The following GAP43 variants were observed in gnomAD, a reference collection of about 807,000 sequenced individuals.
GAP43 encodes the protein growth associated protein 43.
In GAP43, 6 loss-of-function variants were observed where a neutral mutation model predicts 18.6. The observed-to-expected ratio is 0.32, with a 90% CI of 0.18 to 0.64. The LOEUF is 0.64. Ranked by LOEUF, GAP43 falls within the 30% of genes least tolerant of loss-of-function variation. The pLI, the probability that GAP43 is intolerant of heterozygous loss-of-function variation, is 0.78. For missense variants in GAP43, 292 were observed against 295.5 expected (o/e 0.99, Z 0.09); for synonymous variants, 115 against 111.4 (o/e 1.03, Z -0.20).
chr3:115,678,516 G>A (rs1708921603), intron 2 of GAP43, among the ~76,000 whole-genome samples: 2 of 152,264 alleles, frequency 1.3e-5, no homozygotes, highest in South Asian at 4.1e-4. Context: ...AATATTTTAT[G>A]TAGTAAGTTG....
chr3:115,653,844 T>G (rs1160676998), intron 1 of GAP43, among the ~76,000 whole-genome samples: 1 of 152,230 alleles, frequency 6.6e-6, no homozygotes, highest in South Asian at 2.1e-4. Flanking sequence ...CTTGTTCATA[T>G]TTAATGAATT....
At chr3:115,648,499 G>A (rs1022467689) in intron 1 of GAP43, among the ~76,000 whole-genome samples, 1 of 152,160 alleles carries the variant, frequency 6.6e-6, no homozygotes, top group Admixed American at 6.6e-5. Context: ...AGATTTACTG[G>A]AATGGATGGG....
intron 1 of GAP43, among the ~76,000 whole-genome samples, chr3:115,633,604 G>A (rs1480258527): frequency 6.6e-6 from 1 of 152,096 alleles, no homozygotes; most frequent in Non-Finnish European, 1.5e-5. Context: ...AAAGGAAGTA[G>A]TAACCACACA....
intron 2 of GAP43, among the ~76,000 whole-genome samples, chr3:115,679,046 C>T (rs987241302): frequency 6.6e-6 from 1 of 151,932 alleles, no homozygotes; most frequent in African/African-American, 2.4e-5. Context: ...CCTCTGCCTT[C>T]CACTGTATTT....
At chr3:115,666,217 G>A (rs994236770) in intron 1 of GAP43, among the ~76,000 whole-genome samples, 30 of 152,174 alleles carry the variant, frequency 2.0e-4, no homozygotes, top group Middle Eastern at 3.4e-3. Flanking sequence ...GTTTAACTTT[G>A]ACAATGTAAA....
chr3:115,652,508 C>A (rs1708533529), intron 1 of GAP43, among the ~76,000 whole-genome samples: 1 of 151,746 alleles, frequency 6.6e-6, no homozygotes, highest in African/African-American at 2.4e-5. Flanking sequence ...CTTCAGCTTC[C>A]CGAGTGACTG....
chr3:115,679,776 C>T (rs898256003), intron 2 of GAP43, among the ~76,000 whole-genome samples: 1 of 152,128 alleles, frequency 6.6e-6, no homozygotes, highest in Non-Finnish European at 1.5e-5. Flanking sequence ...ACCAAGGTAA[C>T]CTATCCAGAG....
intron 1 of GAP43, among the ~76,000 whole-genome samples, chr3:115,627,568 T>C (rs1708206317): frequency 6.6e-6 from 1 of 152,012 alleles, no homozygotes; most frequent in Admixed American, 6.6e-5. Context: ...GGAAGGGTAC[T>C]GGTGTTCTTT....
chr3:115,696,259 A>C (rs1173513861), intron 2 of GAP43, among the ~76,000 whole-genome samples: 1 of 152,076 alleles, frequency 6.6e-6, no homozygotes, highest in Non-Finnish European at 1.5e-5. Context: ...CGTCTTTCTC[A>C]TCTCAGGAAA....
At chr3:115,673,188 T>A (rs942012983) in intron 1 of GAP43, among the ~76,000 whole-genome samples, 9 of 152,166 alleles carry the variant, frequency 5.9e-5, no homozygotes, top group African/African-American at 1.9e-4. Flanking sequence ...TAAATTCTGA[T>A]TTTTTAGAAA....
At chr3:115,664,322 T>G (rs151008307) in intron 1 of GAP43, among the ~76,000 whole-genome samples, 226 of 152,090 alleles carry the variant, frequency 1.5e-3, no homozygotes, top group African/African-American at 5.2e-3. Context: ...AACATCCCTC[T>G]GTGGAGCTAT....
chr3:115,711,351 C>A (rs751189521), intron 2 of GAP43, among the ~76,000 whole-genome samples: 1 of 152,084 alleles, frequency 6.6e-6, no homozygotes, highest in African/African-American at 2.4e-5. Flanking sequence ...GCCAACACTG[C>A]AACTGTGATA....
intron 2 of GAP43, among the ~76,000 whole-genome samples, chr3:115,697,982 TGC>T (rs141460121): frequency 9.9e-6 from 1 of 101,032 alleles, no homozygotes; most frequent in African/African-American, 5.5e-5. Flanking sequence ...AGAGTACATG[TGC>T]GTGTGTGTGT....
intron 2 of GAP43, among the ~76,000 whole-genome samples, chr3:115,714,137 T>A (rs1709473183): frequency 1.3e-5 from 2 of 152,212 alleles, no homozygotes; most frequent in Non-Finnish European, 1.5e-5. Context: ...CGTGGAACAG[T>A]GTATGGACAT....
chr3:115,690,130 C>T (rs1709089647), intron 2 of GAP43, among the ~76,000 whole-genome samples: 2 of 152,242 alleles, frequency 1.3e-5, no homozygotes, highest in African/African-American at 2.4e-5. Flanking sequence ...TCACAAACAG[C>T]AGGCCCTAAA....
At chr3:115,703,826 G>C (rs1709326269) in intron 2 of GAP43, among the ~76,000 whole-genome samples, 2 of 152,032 alleles carry the variant, frequency 1.3e-5, no homozygotes, top group Admixed American at 1.3e-4. Flanking sequence ...TTCTTTAACT[G>C]TTTATTGTTA....
intron 2 of GAP43, among the ~76,000 whole-genome samples, chr3:115,709,224 C>T (rs1276392446): frequency 7.9e-5 from 12 of 152,154 alleles, no homozygotes; most frequent in Non-Finnish European, 1.5e-4. Flanking sequence ...TTACTCCAGA[C>T]GCCCTGCCTC....
chr3:115,706,296 A>C (rs1381699896), intron 2 of GAP43, among the ~76,000 whole-genome samples: 1 of 152,152 alleles, frequency 6.6e-6, no homozygotes, highest in African/African-American at 2.4e-5. Context: ...ATTATGATTA[A>C]ACAAGGGAAT....
chr3:115,677,067 T>C (rs1465937408), intron 2 of GAP43, among the ~76,000 whole-genome samples: 1 of 152,182 alleles, frequency 6.6e-6, no homozygotes, highest in African/African-American at 2.4e-5. Context: ...CCAGATTATA[T>C]AGTGTGTGAA....
Sources: allele counts gnomAD v4.1 joint callset (sites outside exome capture counted in the v4.1 genomes callset), GRCh38; gene constraint gnomAD v4.1.1; transcripts MANE v1.5; gene names NCBI Gene and HGNC (gene_info 2026-07-23, HGNC 2026-07-21).